Variants in LTBP2 observed in about 807,000 individuals in gnomAD.
LTBP2 encodes the protein latent transforming growth factor beta binding protein 2, also known as latent-transforming growth factor beta-binding protein 2.
In LTBP2, 103 loss-of-function variants were observed where a neutral mutation model predicts 210.6. The observed-to-expected ratio is 0.49, with a 90% confidence interval of 0.42 to 0.58. The LOEUF (loss-of-function observed/expected upper bound fraction) is 0.58. Among genes scored for constraint, LTBP2 ranks in the 20% least tolerant of loss-of-function variants. The pLI, the probability that LTBP2 is intolerant of heterozygous loss-of-function variation, is 0.00. For synonymous variants in LTBP2, 1,007 were observed against 1,015.0 expected (o/e 0.99, Z 0.15); for missense variants, 2,313 against 2,494.5 (o/e 0.93, Z 1.55).
chr14:74,587,062 G>A (rs775897101), intron 2 of LTBP2, among the ~76,000 whole-genome samples: 5 of 152,192 alleles, frequency 3.3e-5, no homozygotes, highest in Non-Finnish European at 5.9e-5. Context: ...CCCTTGCAAA[G>A]TCCAGAGCCA....
Position 74,552,256 on chromosome 14 carries a change from G to A in LTBP2, c.1330C>T (p.Arg444Cys), listed in dbSNP as rs367878850. The change falls in exon 6 of 36, where the codon CGC (arginine) becomes TGC (cysteine). Residue 444 changes from arginine (R) to cysteine (C), a missense_variant. Coordinates refer to ENST00000261978, the MANE Select transcript of LTBP2 (RefSeq NM_000428.3). ...PDREPPGRGS[R>C]PRALLEAPLK... ...GGGGCTTCCAGCAAGGCCCTGGGGC[G>A]GGACCCCCTCCCTGGAGGCTCCCTG... 43 of 1,613,130 alleles carry A rather than the reference G, an allele frequency of 2.7e-5. No individual in the cohort carries two copies. The highest frequency in any genetic ancestry group is 1.3e-4 in the Admixed American group (8 of 60,032).
At chr14:74,570,155 ACT>A (rs2139771197) in intron 3 of LTBP2, among the ~76,000 whole-genome samples, 1 of 151,838 alleles carries the variant, frequency 6.6e-6, no homozygotes, top group Admixed American at 6.6e-5. Context: ...TTGAGCTAGG[ACT>A]CTTTCCCAAA....
intron 3 of LTBP2, among the ~76,000 whole-genome samples, chr14:74,563,108 G>C (rs890320665): frequency 1.3e-5 from 2 of 152,118 alleles, no homozygotes; most frequent in African/African-American, 2.4e-5. Context: ...TGCCTGAAAG[G>C]GAAGTTCAAA....
rs757377294 is a variant in LTBP2 at position 74,585,932 on chromosome 14, G to T, written c.752C>A (p.Ala251Glu). ...ERSPNLRRSS[A>E]AGEGTLARAQ... is the part of the protein sequence containing the mutation. ...TCTGGCCAAGGTGCCCTCTCCAGCC[G>T]CACTGCTCCTGCGCAGGTTGGGTGA... Residue 251 changes from alanine to glutamate, a missense_variant, in exon 3 of 36, where the codon GCG becomes GAG. Transcript: ENST00000261978. 1.9e-6 allele frequency: 3 copies of T among 1,613,740 alleles called. No individual in the cohort carries two copies. The highest frequency in any genetic ancestry group is 2.5e-6 in the Non-Finnish European group (3 of 1,179,924).
At chr14:74,507,440 G>T in intron 25 of LTBP2, 130 bp from the exon 26 acceptor site, 2 of 1,255,784 alleles carry the variant, frequency 1.6e-6, no homozygotes, top group Non-Finnish European at 2.3e-6. Context: ...CCCAACCCCA[G>T]CACATCAAGG....
chr14:74,570,377 C>T (rs555892474), intron 3 of LTBP2, among the ~76,000 whole-genome samples: 1 of 152,254 alleles, frequency 6.6e-6, no homozygotes, highest in Admixed American at 6.5e-5. Context: ...TTACCCCACT[C>T]GTGGGCCTGC....
At chr14:74,609,021 G>A (rs903431847) in intron 1 of LTBP2, among the ~76,000 whole-genome samples, 11 of 152,196 alleles carry the variant, frequency 7.2e-5, no homozygotes, top group African/African-American at 2.7e-4. Flanking sequence ...AATGAATGAA[G>A]AAGCTCCAGT....
In LTBP2 at chr14:74,586,335, A is replaced by G. The variant is rs573570600; in HGVS notation, c.566-217T>C. 3.5e-4 allele frequency among the ~76,000 whole-genome samples: 53 copies of G among 152,242 alleles called. No homozygotes were observed. Among genetic ancestry groups the G allele is most frequent in the Admixed American group, 9.8e-4 (15 of 15,296 alleles). On this transcript the variant is annotated intron_variant, in intron 2 of 35. Transcript: ENST00000261978. This position sits in a 1 kb window ranked among gnomAD's most constrained non-coding sequence, Gnocchi z 4.6. ...GTTCACCTCTGATCTCTGGACAACC[A>G]AAGACTATATGGCCAGCTGCAGAGT... is the stretch of plus-strand genomic sequence containing the variant.
At chr14:74,610,290 C>T (rs2088586889) in intron 1 of LTBP2, among the ~76,000 whole-genome samples, 1 of 152,148 alleles carries the variant, frequency 6.6e-6, no homozygotes, top group African/African-American at 2.4e-5. Flanking sequence ...GCACGGGTGG[C>T]CAAAAGTCAC....
intron 7 of LTBP2, among the ~76,000 whole-genome samples, chr14:74,550,830 G>A (rs2087642674): frequency 6.6e-6 from 1 of 152,184 alleles, no homozygotes; most frequent in African/African-American, 2.4e-5. Flanking sequence ...ACTTCCTTGG[G>A]TCTTCTTCTG....
At chr14:74,611,244 GGAT>G (rs2088602687) in intron 1 of LTBP2, among the ~76,000 whole-genome samples, 1 of 152,352 alleles carries the variant, frequency 6.6e-6, no homozygotes, top group Non-Finnish European at 1.5e-5. Context: ...GAAAGGATGA[GGAT>G]GATGATCTAT....
rs571496506 is a variant in LTBP2 at position 74,501,936 on chromosome 14, G to A, written c.5171-346C>T. ...TTGGGTTTGGGCGTGGGGAAGGGGT[G>A]AGGTGTTTTGTTTAAACCTTCACAT... On this transcript the variant is annotated intron_variant, in intron 34 of 35. Coordinates refer to ENST00000261978, the MANE Select transcript of LTBP2 (RefSeq NM_000428.3). 33 of 389,940 alleles carry A rather than the reference G, an allele frequency of 8.5e-5. 1 individual carries two copies. In the East Asian group the frequency reaches 1.8e-3, roughly 21 times the overall value. The allele number at this position is 389,940 out of a possible 1,614,324, so 24.2% of individuals were successfully genotyped here. A position where few individuals can be genotyped will look rare whatever the true frequency, so the allele number is the denominator to read the frequency against.
intron 2 of LTBP2, among the ~76,000 whole-genome samples, chr14:74,598,421 T>C (rs935589159): frequency 5.9e-5 from 9 of 152,162 alleles, no homozygotes; most frequent in Non-Finnish European, 2.9e-5. Context: ...TGATAGAACT[T>C]GGGCAACAGA....
Position 74,508,009 on chromosome 14 carries a change from C to T in LTBP2, c.3739G>A (p.Gly1247Ser). 1 of 1,613,920 alleles carries T rather than the reference C, an allele frequency of 6.2e-7. No homozygotes were observed. The highest frequency in any genetic ancestry group is 1.3e-5 in the African/African-American group (1 of 75,054). Residue 1247 changes from glycine (G) to serine (S), a missense_variant, in exon 25 of 36, where the codon GGC becomes AGC. Gly to Ser is a moderately conservative substitution (Grantham distance 56, BLOSUM62 0). Transcript: ENST00000261978. ...CCACTCTCTGGGGAGGGCTGGAAGC[C>T]AGTCTCACATAGACAGTTGAAGGAG... is the stretch of plus-strand genomic sequence containing the variant. ...EGSFNCLCET[G>S]FQPSPESGEC...
Position 74,612,046 on chromosome 14 carries a change from C to T in LTBP2, c.-102G>A. On this transcript the variant is annotated 5_prime_UTR_variant, in exon 1 of 36. Transcript: ENST00000261978. ...CTGTTCTCCCGGCCCCGCCCGGCGG[C>T]CAGCTTCTCTGAGTCTAGGGGGCCC... 7.6e-7 allele frequency: 1 copy of T among 1,311,386 alleles called. No homozygotes were observed. Among genetic ancestry groups the T allele is most frequent in the African/African-American group, 1.6e-5 (1 of 63,870 alleles). 81.2% of individuals were successfully genotyped at this position (1,311,386 alleles called of 1,614,324 possible).
In LTBP2 at chr14:74,506,710, A is replaced by G. The variant is rs1216129520; in HGVS notation, c.4021T>C (p.Trp1341Arg). ...DQGFEISPSGWDCVDVNECEL... is the reference protein window; with the variant it reads ...DQGFEISPSGRDCVDVNECEL... ...ACAGGCTCCTCACCCACACAGTCCC[A>G]GCCTGAGGGAGAGATCTCGAAGCCC... The change falls in exon 27 of 36, where the codon TGG becomes CGG. Residue 1341 changes from tryptophan (W) to arginine (R), a missense_variant. Trp to Arg is a moderately radical substitution (Grantham distance 101). Coordinates refer to ENST00000261978, the MANE Select transcript of LTBP2 (RefSeq NM_000428.3). 1 of 1,613,670 alleles carries G rather than the reference A, an allele frequency of 6.2e-7. No homozygotes were observed. Among genetic ancestry groups the G allele is most frequent in the South Asian group, 1.1e-5 (1 of 91,088 alleles).
chr14:74,549,900 C>T lies in LTBP2; in HGVS notation c.1752G>A (p.Trp584Ter). Residue 584 changes from tryptophan (W) to a stop codon, truncating the protein, a stop_gained, in exon 8 of 36, where the codon TGG (tryptophan) becomes TGA (stop). Coordinates refer to ENST00000261978, the MANE Select transcript of LTBP2 (RefSeq NM_000428.3). LOFTEE classifies it high-confidence loss of function. ...GGCATGGGGCACACAAAGTCACCCC[C>T]CAGAAGGCTCCCACACTGCCACAGC... The part of the protein sequence containing the change: ...EDCCGSVGAF[W>*]GVTLCAPCPP... The T allele has an allele frequency of 6.2e-7, 1 of 1,614,166 alleles. No homozygotes were observed. The highest frequency in any genetic ancestry group is 8.5e-7 in the Non-Finnish European group (1 of 1,180,014).
chr14:74,510,360 T>C, intron 19 of LTBP2, 147 bp from the exon 20 acceptor site: 1 of 1,178,634 alleles, frequency 8.5e-7, no homozygotes, highest in South Asian at 1.3e-5. Context: ...GAGGCCATGC[T>C]CCCTCCTCCC....
chr14:74,536,395 GT>G (rs1232797316), intron 8 of LTBP2, among the ~76,000 whole-genome samples: 1 of 152,204 alleles, frequency 6.6e-6, no homozygotes, highest in Non-Finnish European at 1.5e-5. Context: ...AGGATCTGTT[GT>G]ACGACATAGT....
Sources: gnomAD v4.1 joint callset for allele counts (sites outside exome capture counted in the v4.1 genomes callset) on GRCh38, gnomAD v4.1.1 for gene constraint, Gnocchi (gnomAD v3.1) non-coding constraint, MANE v1.5 for transcripts, NCBI Gene and HGNC (gene_info 2026-07-23, HGNC 2026-07-21) for gene names.